CACNA1A: variants seen among roughly 807,000 people sequenced by gnomAD.
CACNA1A encodes calcium voltage-gated channel subunit alpha1 A, also known as voltage-dependent P/Q-type calcium channel subunit alpha-1A.
A neutral mutation model predicts 262.4 loss-of-function variants in CACNA1A; 57 were observed. The ratio of observed to expected loss-of-function variants is 0.22; its 90% CI spans 0.18 to 0.27. CACNA1A has a LOEUF of 0.27. Ranked by LOEUF, CACNA1A falls within the 10% of genes least tolerant of loss-of-function variation. The pLI is 1.00. For synonymous variants in CACNA1A, 1,431 were observed against 1,419.3 expected (o/e 1.01, Z -0.18); for missense variants, 2,526 against 3,562.8 (o/e 0.71, Z 7.41).
chr19:13,390,000 G>A (rs746722657), intron 3 of CACNA1A, among the ~76,000 whole-genome samples: 18 of 149,976 alleles, frequency 1.2e-4, no homozygotes, highest in African/African-American at 1.7e-4. Flanking sequence ...TTTTTAGTAC[G>A]GACGCGGTTT....
intron 15 of CACNA1A, among the ~76,000 whole-genome samples, chr19:13,306,031 G>T (rs1450761036): frequency 4.0e-5 from 6 of 149,038 alleles, no homozygotes; most frequent in Non-Finnish European, 1.5e-5. Flanking sequence ...TCGCACTCCA[G>T]CCTGGGCAAC....
intron 3 of CACNA1A, among the ~76,000 whole-genome samples, chr19:13,411,633 C>A (rs2060109822): frequency 6.6e-6 from 1 of 152,042 alleles, no homozygotes; most frequent in South Asian, 2.1e-4. Flanking sequence ...GACTAATACA[C>A]CATGTCAAAA....
At chr19:13,487,382 A>G (rs994753374) in intron 1 of CACNA1A, among the ~76,000 whole-genome samples, 2 of 152,122 alleles carry the variant, frequency 1.3e-5, no homozygotes, top group African/African-American at 4.8e-5. Context: ...ACACAGTCTC[A>G]CCTGGATGGC....
intron 10 of CACNA1A, among the ~76,000 whole-genome samples, chr19:13,318,430 A>G (rs2058173941): frequency 2.0e-5 from 3 of 152,162 alleles, no homozygotes; most frequent in South Asian, 4.1e-4. Flanking sequence ...GTGGACCACA[A>G]GGAGGACTTT....
intron 4 of CACNA1A, among the ~76,000 whole-genome samples, chr19:13,366,795 C>T (rs2059219995): frequency 6.6e-6 from 1 of 152,122 alleles, no homozygotes; most frequent in South Asian, 2.1e-4. Flanking sequence ...TAAAAGGCCG[C>T]CATATAGGCT....
intron 3 of CACNA1A, among the ~76,000 whole-genome samples, chr19:13,416,568 C>A (rs1259947927): frequency 6.6e-6 from 1 of 152,148 alleles, no homozygotes; most frequent in Non-Finnish European, 1.5e-5. Context: ...GTAATCCCAG[C>A]ACTTTGGGAG....
Position 13,360,265 on chromosome 19 carries a change from G to GTGTATATATATATATATATA in CACNA1A, c.785-467_785-466insTATATATATATATATATACA, listed in dbSNP as rs941666561. On this transcript the variant is annotated intron_variant, in intron 5 of 46. Transcript: ENST00000360228. Reference sequence around the variant, plus strand: ...ATTAGGTGTCTGTGTGTGTGTGTGTGTATATATATATATATATATATGAAG... The same window carrying GTGTATATATATATATATATA: ...ATTAGGTGTCTGTGTGTGTGTGTGTGTGTATATATATATATATATATATATATATATATATATATATGAAG... Among the ~76,000 whole-genome samples, 9 of 124,198 alleles carry GTGTATATATATATATATATA rather than the reference G, an allele frequency of 7.2e-5. No homozygotes were observed. In the South Asian group the frequency reaches 7.6e-4, roughly 11 times the overall value. The allele number at this position is 124,198 out of a possible 152,430, so 81.5% of individuals were successfully genotyped here.
At chr19:13,326,788 CAA>C (rs527327502) in intron 10 of CACNA1A, among the ~76,000 whole-genome samples, 260 of 129,400 alleles carry the variant, frequency 2.0e-3, no homozygotes, top group African/African-American at 2.4e-3. Flanking sequence ...GACACTGTCT[CAA>C]AAAAAAAAAA....
At chr19:13,217,738 A>G (rs2055067997) in intron 38 of CACNA1A, among the ~76,000 whole-genome samples, 2 of 152,272 alleles carry the variant, frequency 1.3e-5, no homozygotes, top group Admixed American at 6.5e-5. Context: ...AGTAGGTGTC[A>G]TAGAAGCTGG....
intron 11 of CACNA1A, chr19:13,316,849 T>C: frequency 2.7e-6 from 1 of 366,438 alleles, no homozygotes; most frequent in Non-Finnish European, 4.9e-6. Flanking sequence ...AGCACCCCTC[T>C]GTCCCTCTCT....
intron 6 of CACNA1A, among the ~76,000 whole-genome samples, chr19:13,358,295 G>A (rs2059042607): frequency 6.6e-6 from 1 of 152,152 alleles, no homozygotes; most frequent in African/African-American, 2.4e-5. Flanking sequence ...GCCAGGCGTG[G>A]TGGCTCACGC....
chr19:13,208,127 G>A, intron 46 of CACNA1A, 74 bp from the exon 47 acceptor site: 1 of 892,084 alleles, frequency 1.1e-6, no homozygotes, highest in Non-Finnish European at 1.4e-6. Flanking sequence ...GGATTGGGAG[G>A]AAGAGAGGGG....
chr19:13,293,439 CTTTTTTTTTT>C (rs974515720), intron 19 of CACNA1A, among the ~76,000 whole-genome samples: 4 of 80,834 alleles, frequency 4.9e-5, no homozygotes, highest in Admixed American at 1.8e-4. Context: ...TCAGTTAAAT[CTTTTTTTTTT>C]TTTTTTTTTT....
At chr19:13,290,952 T>C (rs2057522941) in intron 19 of CACNA1A, among the ~76,000 whole-genome samples, 1 of 152,182 alleles carries the variant, frequency 6.6e-6, no homozygotes, top group African/African-American at 2.4e-5. Flanking sequence ...TTGTCTTGTT[T>C]TTGCTTCCTT....
chr19:13,220,626 T>C (rs1415524240), intron 38 of CACNA1A, among the ~76,000 whole-genome samples: 1 of 152,144 alleles, frequency 6.6e-6, no homozygotes, highest in Non-Finnish European at 1.5e-5. Flanking sequence ...CTTTTTGGAC[T>C]TCTGACCTAC....
At chr19:13,319,232 T>C (rs1350313883) in intron 10 of CACNA1A, among the ~76,000 whole-genome samples, 1 of 152,224 alleles carries the variant, frequency 6.6e-6, no homozygotes, top group Non-Finnish European at 1.5e-5. Context: ...GTTGCATTCA[T>C]TTTTAAATGG....
At chr19:13,465,552 A>G (rs1330217590) in intron 1 of CACNA1A, among the ~76,000 whole-genome samples, 2 of 151,890 alleles carry the variant, frequency 1.3e-5, no homozygotes, top group Non-Finnish European at 1.5e-5. Context: ...TGGTATGATC[A>G]TGGCTCACTG....
At chr19:13,326,898 T>A (rs2058373203) in intron 10 of CACNA1A, among the ~76,000 whole-genome samples, 1 of 146,652 alleles carries the variant, frequency 6.8e-6, no homozygotes, top group Non-Finnish European at 1.5e-5. Flanking sequence ...ATTATTACTT[T>A]TTTTTGTTTT....
chr19:13,248,334 G>T (rs2056303700), intron 30 of CACNA1A, among the ~76,000 whole-genome samples: 1 of 150,750 alleles, frequency 6.6e-6, no homozygotes, highest in African/African-American at 2.4e-5. Flanking sequence ...CCAGCACTTT[G>T]GGAGGCCAAG....
Sources: gnomAD v4.1 joint callset for allele counts (sites outside exome capture counted in the v4.1 genomes callset) on GRCh38, gnomAD v4.1.1 for gene constraint, MANE v1.5 for transcripts, NCBI Gene and HGNC (gene_info 2026-07-23, HGNC 2026-07-21) for gene names.